Variants in KLHL32 observed in about 807,000 individuals in gnomAD.
KLHL32 encodes kelch-like protein 32.
In KLHL32, 35 loss-of-function variants were observed where a neutral mutation model predicts 64.8. That is an observed-to-expected ratio of 0.54 (90% CI 0.41 to 0.72). The LOEUF is 0.72. KLHL32 is among the 30% of genes least tolerant of loss of function. KLHL32 has a pLI of 0.00. For missense variants in KLHL32, 589 were observed against 768.5 expected, an observed-to-expected ratio of 0.77 and a Z score of 2.76; for synonymous variants, 259 against 281.0, an observed-to-expected ratio of 0.92 and a Z score of 0.78.
At chr6:97,088,293 C>G (rs1793734282) in intron 6 of KLHL32, among the ~76,000 whole-genome samples, 1 of 152,028 alleles carries the variant, frequency 6.6e-6, no homozygotes, top group Admixed American at 6.6e-5. Flanking sequence ...TGAAAGACAC[C>G]AAATTGACTA....
At chr6:97,102,910 G>T (rs1040997051) in intron 6 of KLHL32, among the ~76,000 whole-genome samples, 2 of 152,016 alleles carry the variant, frequency 1.3e-5, no homozygotes, top group Middle Eastern at 3.4e-3. Context: ...TGTCATGGGG[G>T]TTTGTACAGA....
intron 5 of KLHL32, among the ~76,000 whole-genome samples, chr6:97,067,189 G>T (rs1455131802): frequency 6.6e-6 from 1 of 152,200 alleles, no homozygotes; most frequent in African/African-American, 2.4e-5. Context: ...CCATCCTGCA[G>T]TTCCTGTGAA....
intron 4 of KLHL32, among the ~76,000 whole-genome samples, chr6:97,060,626 G>C (rs1788725461): frequency 6.6e-6 from 1 of 152,158 alleles, no homozygotes; most frequent in African/African-American, 2.4e-5. Context: ...TTGCAGTTTA[G>C]AGGGTCTTCA....
intron 8 of KLHL32, among the ~76,000 whole-genome samples, chr6:97,127,961 C>G (rs2128220176): frequency 6.6e-6 from 1 of 152,206 alleles, no homozygotes; most frequent in East Asian, 1.9e-4. Flanking sequence ...CTTCTTTTGT[C>G]TACATTTCAT....
the KLHL32 span, among the ~76,000 whole-genome samples, chr6:96,913,796 C>T: frequency 6.6e-6 from 1 of 152,222 alleles, no homozygotes; most frequent in East Asian, 1.9e-4. Context: ...TCTCCTCCTG[C>T]AGGCCAGGCT....
chr6:96,955,602 C>T (rs542282440), intron 1 of KLHL32, among the ~76,000 whole-genome samples: 1 of 152,286 alleles, frequency 6.6e-6, no homozygotes, highest in Non-Finnish European at 1.5e-5. Context: ...CCACTTTTAA[C>T]TTTTGGTAAG....
intron 3 of KLHL32, chr6:96,999,620 G>A: frequency 1.7e-6 from 1 of 600,862 alleles, no homozygotes. Flanking sequence ...ATTTTTCTCT[G>A]TGAAGCTATA....
At position 96,947,311 on chromosome 6, in the gene KLHL32, C is replaced by A. The variant is rs1772035611; in HGVS notation, c.-65-19685C>A. On this transcript the variant is annotated intron_variant, in intron 1 of 10. Transcript: ENST00000369261. ...CGCTGCACAGCTGAGTTCTCTGAACCTCCTCTGGTTCCAAGTGATGCCCAA... is the reference window on the plus strand; with the variant it reads ...CGCTGCACAGCTGAGTTCTCTGAACATCCTCTGGTTCCAAGTGATGCCCAA... 2.0e-5 allele frequency among the ~76,000 whole-genome samples: 3 copies of A among 152,188 alleles called. No individual in the cohort carries two copies. The South Asian group carries it at 6.2e-4, about 32-fold the overall frequency.
chr6:96,922,965 C>T (rs1326118159), upstream of KLHL32, among the ~76,000 whole-genome samples: 1 of 152,166 alleles, frequency 6.6e-6, no homozygotes, highest in Non-Finnish European at 1.5e-5. Flanking sequence ...ATTTAAACCT[C>T]AACGCCATGT....
rs1193971196 is a variant in KLHL32, at chr6:97,056,096, C to CTTTTTTTTTTTT, written c.313-8523_313-8522insTTTTTTTTTTTT. ...GCCAGCCTCCCTTTTCTTTTTTTTTCTTTTTTTTTCTTTTTTTTTTTTTTT... is the reference window on the plus strand; with the variant it reads ...GCCAGCCTCCCTTTTCTTTTTTTTTCTTTTTTTTTTTTTTTTTTTTTCTTTTTTTTTTTTTTT... On this transcript the variant is annotated intron_variant, in intron 4 of 10. Coordinates refer to ENST00000369261, the MANE Select transcript of KLHL32 (RefSeq NM_052904.4). Among the ~76,000 whole-genome samples, 319 of 123,702 alleles carry CTTTTTTTTTTTT rather than the reference C, an allele frequency of 2.6e-3. 3 individuals carry two copies. The highest frequency in any genetic ancestry group is 6.2e-3 in the East Asian group (26 of 4,212). 81.2% of individuals were successfully genotyped at this position (123,702 alleles called of 152,430 possible).
At chr6:96,991,506 T>A (rs1777874518) in intron 3 of KLHL32, among the ~76,000 whole-genome samples, 1 of 151,942 alleles carries the variant, frequency 6.6e-6, no homozygotes. Flanking sequence ...GGGGATTTCC[T>A]CCCCAAAGAA....
chr6:97,010,191 A>G (rs1044024175), intron 3 of KLHL32: 3 of 150,810 alleles, frequency 2.0e-5, no homozygotes, highest in African/African-American at 4.9e-5. Flanking sequence ...ACTCTATGCC[A>G]TGCTCCTGGT....
intron 4 of KLHL32, among the ~76,000 whole-genome samples, chr6:97,052,721 A>G (rs1027963611): frequency 6.6e-5 from 10 of 152,226 alleles, no homozygotes; most frequent in Non-Finnish European, 1.0e-4. Flanking sequence ...AGAAGGTAGT[A>G]TTGACTCGAT....
intron 5 of KLHL32, among the ~76,000 whole-genome samples, chr6:97,073,448 A>G (rs1248079175): frequency 6.6e-6 from 1 of 152,218 alleles, no homozygotes. Context: ...AACACAATAC[A>G]TGGTATTGAC....
chr6:97,075,074 A>T (rs754749550), intron 5 of KLHL32, among the ~76,000 whole-genome samples: 32 of 152,058 alleles, frequency 2.1e-4, no homozygotes, highest in Admixed American at 1.6e-3. Flanking sequence ...GAACAATATA[A>T]AATTATTCAT....
chr6:97,078,919 G>A (rs1336377663), intron 5 of KLHL32, among the ~76,000 whole-genome samples: 1 of 152,202 alleles, frequency 6.6e-6, no homozygotes, highest in African/African-American at 2.4e-5. Flanking sequence ...AAGCCAGGGA[G>A]CCACGGCGGT....
intron 6 of KLHL32, among the ~76,000 whole-genome samples, chr6:97,092,514 G>A (rs1247277997): frequency 1.3e-5 from 2 of 152,048 alleles, no homozygotes; most frequent in Non-Finnish European, 2.9e-5. Flanking sequence ...AATGTGATGA[G>A]GGTATCTCCA....
At chr6:96,989,476 G>A (rs1192143556) in intron 3 of KLHL32, among the ~76,000 whole-genome samples, 4 of 152,168 alleles carry the variant, frequency 2.6e-5, no homozygotes, top group Admixed American at 6.5e-5. Context: ...CTGTTAGCTT[G>A]ATGGGTTTCT....
chr6:97,092,720 ACTCCT>A (rs1183810327), intron 6 of KLHL32, among the ~76,000 whole-genome samples: 14 of 152,218 alleles, frequency 9.2e-5, no homozygotes, highest in Middle Eastern at 3.4e-3. Flanking sequence ...TATGCGGCTA[ACTCCT>A]CTGTGAGGGT....
Sources: gnomAD v4.1 joint callset for allele counts (sites outside exome capture counted in the v4.1 genomes callset) on GRCh38, gnomAD v4.1.1 for gene constraint, MANE v1.5 for transcripts, NCBI Gene and HGNC (gene_info 2026-07-23, HGNC 2026-07-21) for gene names.